Variants in RSRC1 observed in about 807,000 individuals in gnomAD.
The protein encoded by RSRC1 is arginine and serine rich coiled-coil 1, also known as serine/Arginine-related protein 53.
In RSRC1, 39 loss-of-function variants were observed where a neutral mutation model predicts 49.1. The ratio of observed to expected loss-of-function variants is 0.79; its 90% CI spans 0.61 to 1.04. The LOEUF (loss-of-function observed/expected upper bound fraction) is 1.04, where lower values mean the gene tolerates loss of function less well. RSRC1 is among the 50% of genes least tolerant of loss of function. The pLI is 0.00. For synonymous variants in RSRC1, 143 were observed against 130.8 expected (o/e 1.09, Z -0.63); for missense variants, 388 against 402.4 (o/e 0.96, Z 0.31).
intron 6 of RSRC1, among the ~76,000 whole-genome samples, chr3:158,376,460 C>A (rs748598725): frequency 3.9e-5 from 6 of 151,960 alleles, no homozygotes; most frequent in Admixed American, 2.0e-4. Flanking sequence ...CCATGCCCAG[C>A]CCCTGTGTAG....
At chr3:158,244,673 T>C (rs1286887001) in intron 4 of RSRC1, among the ~76,000 whole-genome samples, 1 of 152,162 alleles carries the variant, frequency 6.6e-6, no homozygotes, top group East Asian at 1.9e-4. Flanking sequence ...TTCTTTTCTG[T>C]TTTTCATAAT....
intron 3 of RSRC1, among the ~76,000 whole-genome samples, chr3:158,152,591 A>G (rs886735797): frequency 6.6e-6 from 1 of 152,192 alleles, no homozygotes; most frequent in African/African-American, 2.4e-5. Context: ...CTTGGAATGA[A>G]TTCATCTCAG....
At chr3:158,442,982 C>CT (rs1164333279) in intron 6 of RSRC1, among the ~76,000 whole-genome samples, 6 of 151,848 alleles carry the variant, frequency 4.0e-5, no homozygotes, top group East Asian at 1.9e-4. Flanking sequence ...TAAAAGAAAT[C>CT]TTTTTTTTCT....
At chr3:158,510,854 T>C (rs894045068) in intron 7 of RSRC1, among the ~76,000 whole-genome samples, 71 of 152,320 alleles carry the variant, frequency 4.7e-4, no homozygotes, top group Middle Eastern at 3.4e-3. Flanking sequence ...TTAATCTTTG[T>C]TCTTCCATAT....
intron 6 of RSRC1, among the ~76,000 whole-genome samples, chr3:158,386,015 A>T (rs1350461194): frequency 2.0e-5 from 3 of 152,052 alleles, no homozygotes; most frequent in Non-Finnish European, 4.4e-5. Flanking sequence ...GATTATAATA[A>T]TTTTTTGATT....
intron 3 of RSRC1, among the ~76,000 whole-genome samples, chr3:158,177,497 A>G (rs1306904538): frequency 1.3e-5 from 2 of 152,304 alleles, no homozygotes; most frequent in Non-Finnish European, 2.9e-5. Flanking sequence ...TTGCAGGGAC[A>G]TGGATGAAGC....
chr3:158,175,480 A>G (rs1719149712), intron 3 of RSRC1, among the ~76,000 whole-genome samples: 1 of 148,510 alleles, frequency 6.7e-6, no homozygotes, highest in Non-Finnish European at 1.5e-5. Context: ...TGTGTATGGT[A>G]TGATTTTTTT....
intron 3 of RSRC1, among the ~76,000 whole-genome samples, chr3:158,172,793 CTG>C (rs1718951625): frequency 6.6e-6 from 1 of 151,966 alleles, no homozygotes; most frequent in African/African-American, 2.4e-5. Context: ...TGTTTTAACT[CTG>C]TGAGGTTAAA....
chr3:158,156,922 C>T (rs1238497678), intron 3 of RSRC1, among the ~76,000 whole-genome samples: 1 of 152,168 alleles, frequency 6.6e-6, no homozygotes, highest in African/African-American at 2.4e-5. Context: ...ACTAAGTGAG[C>T]ACATGCTGTT....
At chr3:158,414,486 C>G (rs1734635957) in intron 6 of RSRC1, among the ~76,000 whole-genome samples, 1 of 152,054 alleles carries the variant, frequency 6.6e-6, no homozygotes, top group Non-Finnish European at 1.5e-5. Flanking sequence ...GTGCAGCAAA[C>G]CCACTGTGGC....
chr3:158,484,229 A>C (rs1738731152), intron 7 of RSRC1, among the ~76,000 whole-genome samples: 1 of 152,108 alleles, frequency 6.6e-6, no homozygotes, highest in African/African-American at 2.4e-5. Flanking sequence ...AAAGAGAGAA[A>C]TCAGGGCTAC....
chr3:158,149,052 G>A (rs1461263000), intron 3 of RSRC1, among the ~76,000 whole-genome samples: 1 of 152,192 alleles, frequency 6.6e-6, no homozygotes, highest in Non-Finnish European at 1.5e-5. Context: ...CCAAAGTGCT[G>A]GGATTACAGG....
At chr3:158,292,457 G>A (rs1047497179) in intron 4 of RSRC1, among the ~76,000 whole-genome samples, 5 of 152,096 alleles carry the variant, frequency 3.3e-5, no homozygotes, top group African/African-American at 9.7e-5. Context: ...GTGTTAGTTC[G>A]ATACAAATCT....
At chr3:158,370,729 G>T (rs1732022942) in intron 6 of RSRC1, among the ~76,000 whole-genome samples, 1 of 151,780 alleles carries the variant, frequency 6.6e-6, no homozygotes, top group African/African-American at 2.4e-5. Flanking sequence ...GTACAAGTCT[G>T]TTGGAATACA....
chr3:158,230,795 C>G (rs146907750), intron 4 of RSRC1, among the ~76,000 whole-genome samples: 77 of 152,196 alleles, frequency 5.1e-4, no homozygotes, highest in African/African-American at 1.8e-3. Context: ...CATATCAAAT[C>G]TGGAATACTT....
chr3:158,254,212 G>A (rs1724398795), intron 4 of RSRC1, among the ~76,000 whole-genome samples: 1 of 152,154 alleles, frequency 6.6e-6, no homozygotes, highest in South Asian at 2.1e-4. Flanking sequence ...TGTGAATAGT[G>A]CCAGAATAAA....
chr3:158,472,181 G>A (rs1471585783), intron 7 of RSRC1, among the ~76,000 whole-genome samples: 1 of 151,894 alleles, frequency 6.6e-6, no homozygotes, highest in African/African-American at 2.4e-5. Context: ...TCCAAGATAA[G>A]GTTGTTTTTT....
intron 3 of RSRC1, among the ~76,000 whole-genome samples, chr3:158,150,827 A>AT (rs1559920087): frequency 6.6e-6 from 1 of 151,992 alleles, no homozygotes; most frequent in African/African-American, 2.4e-5. Flanking sequence ...TCTATATCTA[A>AT]TTTTCTTGTA....
intron 6 of RSRC1, among the ~76,000 whole-genome samples, chr3:158,391,935 A>C (rs12053869): frequency 0.22 from 33,309 of 152,030 alleles, 4,261 homozygotes; most frequent in Non-Finnish European, 0.29. Context: ...GCACAGCTAG[A>C]GTGAAATAAG....
Sources: allele counts gnomAD v4.1 joint callset (sites outside exome capture counted in the v4.1 genomes callset), GRCh38; gene constraint gnomAD v4.1.1; transcripts MANE v1.5; gene names NCBI Gene and HGNC (gene_info 2026-07-23, HGNC 2026-07-21).